SPATA21: variants seen among roughly 807,000 people sequenced by gnomAD.
SPATA21 encodes the protein spermatogenesis-associated protein 21.
In SPATA21, 47 loss-of-function variants were observed where a neutral mutation model predicts 54.8. The ratio of observed to expected loss-of-function variants is 0.86; its 90% CI spans 0.68 to 1.09. The LOEUF is 1.09. Among genes scored for constraint, SPATA21 ranks in the 50% least tolerant of loss-of-function variants. SPATA21 has a pLI of 0.00. For synonymous variants in SPATA21, 245 were observed against 235.3 expected (o/e 1.04, Z -0.38); for missense variants, 599 against 596.4 (o/e 1.00, Z -0.05).
intron 8 of SPATA21, 120 bp downstream of exon 8, chr1:16,404,847 A>T: frequency 8.9e-7 from 1 of 1,128,074 alleles, no homozygotes; most frequent in Non-Finnish European, 1.2e-6. Flanking sequence ...AGACTGTGAC[A>T]GTAGAGCATT....
At chr1:16,396,057 A>G (rs1478783532), downstream of SPATA21, 1 of 152,656 alleles carries the variant, frequency 6.6e-6, no homozygotes, top group Non-Finnish European at 1.5e-5. Context: ...TACTACTTCT[A>G]GAAGAAAGCA....
At chr1:16,429,242 C>T (rs1333379740) in intron 3 of SPATA21, among the ~76,000 whole-genome samples, 1 of 151,304 alleles carries the variant, frequency 6.6e-6, no homozygotes, top group Non-Finnish European at 1.5e-5. Context: ...GACTCAAGCT[C>T]TCCTCCCGCC....
chr1:16,427,821 G>A (rs974015385), intron 3 of SPATA21: 1 of 1,516,540 alleles, frequency 6.6e-7, no homozygotes, highest in Non-Finnish European at 8.9e-7. Flanking sequence ...GGCTACAGGG[G>A]GTTCTCTCTT....
rs544956793 is a variant in SPATA21 at position 16,428,005 on chromosome 1, G to A, written c.34+3333C>T. On this transcript the variant is annotated intron_variant, in intron 3 of 12. Coordinates refer to ENST00000335496, the MANE Select transcript of SPATA21 (RefSeq NM_198546.1). The surrounding 1 kb of genome is among the most constrained non-coding windows in gnomAD (Gnocchi z 4.3). ...CTTGCTGCCCACTTCCGAAGCATCC[G>A]GAAACATGACCTGGACAGAGATATC... The A allele has an allele frequency of 9.0e-6, 14 of 1,548,868 alleles. No individual in the cohort carries two copies. Among genetic ancestry groups the A allele is most frequent in the South Asian group, 2.4e-5 (2 of 84,032 alleles).
At position 16,415,910 on chromosome 1, in the gene SPATA21, G is replaced by A. The variant is rs565887877; in HGVS notation, c.144+5599C>T. Among the ~76,000 whole-genome samples the A allele has an allele frequency of 3.3e-5, 5 of 152,208 alleles. No individual in the cohort carries two copies. In the East Asian group the frequency reaches 5.8e-4, roughly 18 times the overall value. On this transcript the variant is annotated intron_variant, in intron 5 of 12. Transcript: ENST00000335496. ...GCACCAAGTTTTGCTCCCAGCAGGC[G>A]CTCAGCCTGTGGGTGAACGATGGTG...
chr1:16,409,332 G>A lies in SPATA21; in HGVS notation c.588-129C>T. On this transcript the variant is annotated intron_variant, in intron 6 of 12. Transcript: ENST00000335496. The surrounding 1 kb of genome is among the most constrained non-coding windows in gnomAD (Gnocchi z 4.1). Reference sequence around the variant, plus strand: ...GCTTTGGGGAGCCCGGAGAGATCAAGAATGGCAGGAAAAAGGAGATCCAGA... The same window carrying A: ...GCTTTGGGGAGCCCGGAGAGATCAAAAATGGCAGGAAAAAGGAGATCCAGA... 3.0e-6 allele frequency: 3 copies of A among 995,774 alleles called. No individual in the cohort carries two copies. In the Admixed American group the frequency reaches 7.0e-5, roughly 23 times the overall value. 61.7% of individuals were successfully genotyped at this position (995,774 alleles called of 1,614,324 possible). A position where few individuals can be genotyped will look rare whatever the true frequency, so the allele number is the denominator to read the frequency against.
intron 7 of SPATA21, 149 bp from the exon 8 acceptor site, chr1:16,405,253 A>T: frequency 5.2e-6 from 6 of 1,143,954 alleles, no homozygotes; most frequent in Non-Finnish European, 7.1e-6. Context: ...TGTAATCCCA[A>T]CATTTTGGGA....
rs1183796827 is a variant in SPATA21 at position 16,421,754 on chromosome 1, C to G, written c.95+157G>C. Reference sequence around the variant, plus strand: ...GAACCAAGAATTCTGGTATTCCAGCCATTACACAGATGGGGAAATTGAGAC... The same window carrying G: ...GAACCAAGAATTCTGGTATTCCAGCGATTACACAGATGGGGAAATTGAGAC... On this transcript the variant is annotated intron_variant, in intron 4 of 12. Transcript: ENST00000335496. This position sits in a 1 kb window ranked among gnomAD's most constrained non-coding sequence, Gnocchi z 5.2. Among the ~76,000 whole-genome samples the G allele has an allele frequency of 6.6e-6, 1 of 152,180 alleles. No homozygotes were observed. Among genetic ancestry groups the G allele is most frequent in the African/African-American group, 2.4e-5 (1 of 41,436 alleles).
In SPATA21 at chr1:16,432,153, G is replaced by A. The variant is rs537617539; in HGVS notation, c.-52+637C>T. Among the ~76,000 whole-genome samples the A allele has an allele frequency of 5.8e-5, 8 of 137,082 alleles. No individual in the cohort carries two copies. The South Asian group carries it at 1.6e-3, about 27-fold the overall frequency. The allele number at this position is 137,082 out of a possible 152,430, so 89.9% of individuals were successfully genotyped here. The stretch of plus-strand genomic sequence containing the variant: ...TTTGTTTGTTTTGAGACAGAGTCTC[G>A]CTCTGTTGCCCAGGCTGGAGTGCAG... On this transcript the variant is annotated intron_variant, in intron 2 of 12. Transcript: ENST00000335496.
Position 16,398,658 on chromosome 1 carries a change from T to G in SPATA21, c.*107A>C. 7.9e-7 allele frequency: 1 copy of G among 1,260,904 alleles called. No individual in the cohort carries two copies. The allele number at this position is 1,260,904 out of a possible 1,614,324, so 78.1% of individuals were successfully genotyped here. On this transcript the variant is annotated 3_prime_UTR_variant, in exon 13 of 13. Coordinates refer to ENST00000335496, the MANE Select transcript of SPATA21 (RefSeq NM_198546.1). ...GCACAGAGGCTGAAGTTATTGGTGT[T>G]TATTAGCTCACCAGGCCACAAAAGC...
At chr1:16,413,498 T>C (rs1163420074) in intron 5 of SPATA21, among the ~76,000 whole-genome samples, 2 of 152,260 alleles carry the variant, frequency 1.3e-5, no homozygotes, top group African/African-American at 4.8e-5. Flanking sequence ...AAGATCTCCT[T>C]GAGATCCTGC....
intron 3 of SPATA21, among the ~76,000 whole-genome samples, chr1:16,429,266 G>A (rs920281100): frequency 1.3e-5 from 2 of 151,228 alleles, no homozygotes; most frequent in Non-Finnish European, 2.9e-5. Context: ...GCCTCCCTAA[G>A]AGCTGGGATC....
chr1:16,413,662 G>A (rs2085918545), intron 5 of SPATA21, among the ~76,000 whole-genome samples: 1 of 152,062 alleles, frequency 6.6e-6, no homozygotes, highest in South Asian at 2.1e-4. Context: ...TGCCCAGGCT[G>A]GAGTACAATG....
chr1:16,426,579 A>ATATATATAT (rs1401259793), intron 3 of SPATA21, among the ~76,000 whole-genome samples: 141 of 107,156 alleles, frequency 1.3e-3, no homozygotes, highest in South Asian at 5.9e-3. Context: ...ATATATATAT[A>ATATATATAT]TTTTTTTTTT....
chr1:16,421,941 G>A lies in SPATA21; in HGVS notation c.65C>T (p.Ser22Phe), dbSNP rs1348074350. 6.2e-7 allele frequency: 1 copy of A among 1,614,230 alleles called. No individual in the cohort carries two copies. Among genetic ancestry groups the A allele is most frequent in the Non-Finnish European group, 8.5e-7 (1 of 1,180,046 alleles). The change falls in exon 4 of 13, where the codon TCC becomes TTC. Residue 22 changes from serine (S) to phenylalanine (F), a missense_variant. Coordinates refer to ENST00000335496, the MANE Select transcript of SPATA21 (RefSeq NM_198546.1). The surrounding 1 kb of genome is among the most constrained non-coding windows in gnomAD (Gnocchi z 5.2). ...EEKTVNPFLP[S>F]TPGPKKAKGG... The stretch of plus-strand genomic sequence containing the variant: ...TTTTGCTTTTTTAGGTCCAGGCGTG[G>A]ATGGCAGGAAGGGGTTGACTGTCTT...
Position 16,430,146 on chromosome 1 carries a change from T to A in SPATA21, c.34+1192A>T, listed in dbSNP as rs530067829. Among the ~76,000 whole-genome samples the A allele has an allele frequency of 6.6e-3, 815 of 124,278 alleles. 2 individuals are homozygous for A. The highest frequency in any genetic ancestry group is 8.9e-3 in the Non-Finnish European group (550 of 61,640). 81.5% of individuals were successfully genotyped at this position (124,278 alleles called of 152,430 possible). Reference sequence around the variant, plus strand: ...AAAAAAAAAAAAAAAAAAAAGAAGATGCCGGACACGGAGGCTTATGCCTGT... The same window carrying A: ...AAAAAAAAAAAAAAAAAAAAGAAGAAGCCGGACACGGAGGCTTATGCCTGT... On this transcript the variant is annotated intron_variant, in intron 3 of 12. Transcript: ENST00000335496.
At chr1:16,400,941 C>T in intron 10 of SPATA21, 49 bp from the exon 11 acceptor site, 1 of 1,580,190 alleles carries the variant, frequency 6.3e-7, no homozygotes, top group Non-Finnish European at 8.6e-7. Flanking sequence ...TTTAATTCAC[C>T]CTTCTCCTCC....
intron 3 of SPATA21, 54 bp from the exon 4 acceptor site, chr1:16,422,025 C>T (rs1194255646): frequency 9.3e-6 from 15 of 1,613,712 alleles, no homozygotes; most frequent in South Asian, 6.6e-5. Context: ...GTCCCCATGT[C>T]CCCCTGGGCT....
At position 16,409,958 on chromosome 1, in the gene SPATA21, C is replaced by T. The variant is rs771630687; in HGVS notation, c.230G>A (p.Ser77Asn). 3.2e-5 allele frequency: 52 copies of T among 1,612,836 alleles called. No individual in the cohort carries two copies. In the Admixed American group the frequency reaches 3.5e-4, roughly 11 times the overall value. ...GAAGCCCTGCCGGAAGTTCCCGAGG[C>T]TCTGTGTCCCTGCAGCCACCGCGGG... ...QKPAVAAGTQ[S>N]LGNFRQGFMK... The change falls in exon 6 of 13, where the codon AGC (serine) becomes AAC (asparagine). Residue 77 changes from serine to asparagine, a missense_variant. Coordinates refer to ENST00000335496, the MANE Select transcript of SPATA21 (RefSeq NM_198546.1). This position sits in a 1 kb window ranked among gnomAD's most constrained non-coding sequence, Gnocchi z 4.1.
Sources: gnomAD v4.1 joint callset for allele counts (sites outside exome capture counted in the v4.1 genomes callset) on GRCh38, gnomAD v4.1.1 for gene constraint, Gnocchi (gnomAD v3.1) non-coding constraint, MANE v1.5 for transcripts, NCBI Gene and HGNC (gene_info 2026-07-23, HGNC 2026-07-21) for gene names.